Variants in N4BP2 observed in about 807,000 individuals in gnomAD.
N4BP2 encodes the protein NEDD4 binding protein 2.
N4BP2 carries 91 observed loss-of-function variants against 152.8 expected under a neutral mutation model. The ratio of observed to expected loss-of-function variants is 0.60; its 90% CI spans 0.50 to 0.71. N4BP2 has a LOEUF of 0.71. Ranked by LOEUF, N4BP2 falls within the 30% of genes least tolerant of loss-of-function variation. The pLI is 0.00. For missense variants in N4BP2, 1,923 were observed against 2,059.1 expected, an observed-to-expected ratio of 0.93 and a Z score of 1.28; for synonymous variants, 646 against 705.3, an observed-to-expected ratio of 0.92 and a Z score of 1.33.
At chr4:40,096,096 A>G (rs901510131) in intron 2 of N4BP2, among the ~76,000 whole-genome samples, 1 of 151,920 alleles carries the variant, frequency 6.6e-6, no homozygotes. Flanking sequence ...TTTATTAGAT[A>G]TATTCAAGCA....
chr4:40,133,448 G>T (rs1719072852), intron 13 of N4BP2, among the ~76,000 whole-genome samples: 3 of 151,594 alleles, frequency 2.0e-5, no homozygotes, highest in Admixed American at 2.0e-4. Flanking sequence ...TGATTCTCCT[G>T]CCTCAGCCTC....
At chr4:40,070,222 G>A (rs924405933) in intron 1 of N4BP2, among the ~76,000 whole-genome samples, 16 of 152,080 alleles carry the variant, frequency 1.1e-4, no homozygotes, top group African/African-American at 3.9e-4. Context: ...GGGCAAATAA[G>A]TTTTTTTCAG....
At chr4:40,057,996 G>T (rs1391639046) in intron 1 of N4BP2, among the ~76,000 whole-genome samples, 1 of 152,120 alleles carries the variant, frequency 6.6e-6, no homozygotes, top group Admixed American at 6.6e-5. Context: ...TTTTCTACTC[G>T]ACATCTTTGA....
intron 11 of N4BP2, 114 bp downstream of exon 11, chr4:40,124,319 T>A: frequency 1.7e-6 from 1 of 591,958 alleles, no homozygotes; most frequent in Non-Finnish European, 2.9e-6. Flanking sequence ...AAATTTTGAT[T>A]TGCAAATAAA....
At chr4:40,143,340 G>A (rs1023073788) in intron 15 of N4BP2, among the ~76,000 whole-genome samples, 3 of 151,896 alleles carry the variant, frequency 2.0e-5, no homozygotes, top group African/African-American at 7.3e-5. Context: ...TTAAGATAAG[G>A]TCTTGCTCTG....
intron 17 of N4BP2, among the ~76,000 whole-genome samples, chr4:40,153,605 T>C (rs902720694): frequency 1.3e-5 from 2 of 152,174 alleles, no homozygotes; most frequent in Non-Finnish European, 2.9e-5. Flanking sequence ...TACCCACCAA[T>C]TTCAGTGTAG....
At chr4:40,162,573 A>G (rs1721887154), downstream of N4BP2, among the ~76,000 whole-genome samples, 1 of 152,222 alleles carries the variant, frequency 6.6e-6, no homozygotes, top group Non-Finnish European at 1.5e-5. Context: ...ATTAGTCACA[A>G]AAGCATTGCA....
At chr4:40,108,684 C>T (rs558428960) in intron 5 of N4BP2, among the ~76,000 whole-genome samples, 2 of 152,274 alleles carry the variant, frequency 1.3e-5, no homozygotes, top group African/African-American at 4.8e-5. Context: ...GTGGGGACAT[C>T]ATAGGTAAAA....
chr4:40,121,055 A>G lies in N4BP2; in HGVS notation c.2944A>G (p.Ser982Gly). 6.2e-7 allele frequency: 1 copy of G among 1,614,082 alleles called. No individual in the cohort carries two copies. The highest frequency in any genetic ancestry group is 1.3e-5 in the African/African-American group (1 of 75,068). Residue 982 changes from serine to glycine, a missense_variant, in exon 9 of 18, where the codon AGT becomes GGT. Physicochemically the swap from Ser to Gly is moderately conservative, Grantham distance 56. Coordinates refer to ENST00000261435, the MANE Select transcript of N4BP2 (RefSeq NM_018177.6). The stretch of plus-strand genomic sequence containing the variant: ...ATCGTTGCCTCTTACTTTTACCAAT[A>G]GTGCACCAACTGTTTCTGGAGTAGT... ...HTSLPLTFTN[S>G]APTVSGVVEP...
chr4:40,184,157 A>G, the N4BP2 span, among the ~76,000 whole-genome samples: 1 of 152,340 alleles, frequency 6.6e-6, no homozygotes, highest in East Asian at 1.9e-4. Flanking sequence ...AAGGAAGAAG[A>G]CATGACTATC....
intron 16 of N4BP2, among the ~76,000 whole-genome samples, chr4:40,145,775 T>C (rs1003003929): frequency 6.6e-6 from 1 of 152,152 alleles, no homozygotes; most frequent in Non-Finnish European, 1.5e-5. Flanking sequence ...ATCCTTGTCT[T>C]TATTGGAGTT....
Position 40,120,567 on chromosome 4 carries a change from A to G in N4BP2, c.2456A>G (p.Tyr819Cys), listed in dbSNP as rs771602072. Residue 819 changes from tyrosine (Y) to cysteine (C), a missense_variant, in exon 9 of 18, where the codon TAT (tyrosine) becomes TGT (cysteine). Transcript: ENST00000261435. ...KTSSVQSDKKYNYPQSHKLVN... is the reference protein window; with the variant it reads ...KTSSVQSDKKCNYPQSHKLVN... ...TCATCCGTACAAAGCGACAAAAAGT[A>G]TAATTACCCTCAGTCACACAAATTA... 2 of 1,614,178 alleles carry G rather than the reference A, an allele frequency of 1.2e-6. No homozygotes were observed. The highest frequency in any genetic ancestry group is 1.7e-6 in the Non-Finnish European group (2 of 1,180,020).
chr4:40,162,472 AAGT>A (rs1441905094), downstream of N4BP2, among the ~76,000 whole-genome samples: 1 of 152,052 alleles, frequency 6.6e-6, no homozygotes, highest in Admixed American at 6.6e-5. Flanking sequence ...AAAGAAGAAG[AAGT>A]AGAGCTGGAG....
In N4BP2 at chr4:40,102,693, C is replaced by T. The variant is rs1475418616; in HGVS notation, c.848C>T (p.Pro283Leu). The T allele has an allele frequency of 9.3e-6, 15 of 1,614,170 alleles. No homozygotes were observed. Among genetic ancestry groups the T allele is most frequent in the Non-Finnish European group, 1.1e-5 (13 of 1,180,032 alleles). ...ECVEAQFSEA[P>L]VDLDASEPQA... ...GTTGAGGCTCAATTCTCTGAAGCTCCTGTAGATTTGGATGCCAGTGAACCT... is the reference window on the plus strand; with the variant it reads ...GTTGAGGCTCAATTCTCTGAAGCTCTTGTAGATTTGGATGCCAGTGAACCT... Residue 283 changes from proline (P) to leucine (L), a missense_variant, in exon 4 of 18, where the codon CCT becomes CTT. Physicochemically the swap from Pro to Leu is moderately conservative, Grantham distance 98 (BLOSUM62 -3). Coordinates refer to ENST00000261435, the MANE Select transcript of N4BP2 (RefSeq NM_018177.6).
At chr4:40,065,936 T>C in intron 1 of N4BP2, among the ~76,000 whole-genome samples, 1 of 121,970 alleles carries the variant, frequency 8.2e-6, no homozygotes, top group East Asian at 5.6e-4. Context: ...CAGTAAAGCA[T>C]TTTTTTTTTT....
chr4:40,124,580 C>T (rs9994005), intron 11 of N4BP2, among the ~76,000 whole-genome samples: 1 of 152,098 alleles, frequency 6.6e-6, no homozygotes, highest in African/African-American at 2.4e-5. Context: ...CTCCTGACCT[C>T]AGGTGATCTG....
chr4:40,180,225 A>G, the N4BP2 span, among the ~76,000 whole-genome samples: 2 of 152,206 alleles, frequency 1.3e-5, no homozygotes, highest in Non-Finnish European at 2.9e-5. Context: ...CTAAACTGAT[A>G]TAACAATATT....
At chr4:40,183,489 C>T in the N4BP2 span, among the ~76,000 whole-genome samples, 1 of 152,120 alleles carries the variant, frequency 6.6e-6, no homozygotes, top group Non-Finnish European at 1.5e-5. Flanking sequence ...GAGCCCGCTA[C>T]CGTGCCCAGC....
rs970143831 is a variant in N4BP2, at chr4:40,157,331, A to G, written c.*3094A>G. On this transcript the variant is annotated 3_prime_UTR_variant, in exon 18 of 18. Transcript: ENST00000261435. ...ATGGCCTTTAAATATAGGACATATT[A>G]TATAGCAGAAATTTTGACTTTAAAT... is the stretch of plus-strand genomic sequence containing the variant. 3.3e-5 allele frequency: 5 copies of G among 152,056 alleles called. No homozygotes were observed. Among genetic ancestry groups the G allele is most frequent in the African/African-American group, 9.7e-5 (4 of 41,422 alleles). 9.4% of individuals were successfully genotyped at this position (152,056 alleles called of 1,614,324 possible).
Sources: gnomAD v4.1 joint callset for allele counts (sites outside exome capture counted in the v4.1 genomes callset) on GRCh38, gnomAD v4.1.1 for gene constraint, MANE v1.5 for transcripts, NCBI Gene and HGNC (gene_info 2026-07-23, HGNC 2026-07-21) for gene names.